SLCO5A1: variants seen among roughly 807,000 people sequenced by gnomAD.
The protein encoded by SLCO5A1 is organic anion transporter polypeptide-related protein 4.
Under a neutral mutation model 65.1 loss-of-function variants are expected in SLCO5A1, and 39 were observed. The ratio of observed to expected loss-of-function variants is 0.60; its 90% CI spans 0.46 to 0.78. The LOEUF (loss-of-function observed/expected upper bound fraction) is 0.78. Ranked by LOEUF, SLCO5A1 falls within the 30% of genes least tolerant of loss-of-function variation. SLCO5A1 has a pLI of 0.00. For synonymous variants in SLCO5A1, 438 were observed against 415.7 expected, an observed-to-expected ratio of 1.05 and a Z score of -0.65; for missense variants, 1,029 against 1,069.4, an observed-to-expected ratio of 0.96 and a Z score of 0.53.
intron 2 of SLCO5A1, among the ~76,000 whole-genome samples, chr8:69,824,838 A>C (rs1272732144): frequency 1.3e-5 from 2 of 152,248 alleles, no homozygotes; most frequent in Non-Finnish European, 2.9e-5. Context: ...AGAGAATTTT[A>C]CACCAATATC....
At position 69,802,976 on chromosome 8, in the gene SLCO5A1, GA is replaced by G. The variant is rs146522455; in HGVS notation, c.907+28790del. Reference sequence around the variant, plus strand: ...CAGCAGGAATGAGTAAATATTTGTTGAATGAATTAATTAATGAACCAATGAA... The same window carrying G: ...CAGCAGGAATGAGTAAATATTTGTTGATGAATTAATTAATGAACCAATGAA... On this transcript the variant is annotated intron_variant, in intron 2 of 9. Transcript: ENST00000260126. Among the ~76,000 whole-genome samples the G allele has an allele frequency of 1.9e-3, 283 of 152,232 alleles. 1 individual carries two copies. The highest frequency in any genetic ancestry group is 6.4e-3 in the African/African-American group (266 of 41,552).
intron 2 of SLCO5A1, among the ~76,000 whole-genome samples, chr8:69,797,070 G>T (rs150481192): frequency 4.1e-4 from 63 of 152,266 alleles, no homozygotes; most frequent in South Asian, 1.7e-3. Context: ...GGGAAGTAAG[G>T]GACCTCAAAT....
chr8:69,695,506 A>G (rs1031906663), intron 6 of SLCO5A1, among the ~76,000 whole-genome samples: 16 of 152,148 alleles, frequency 1.1e-4, no homozygotes, highest in African/African-American at 3.6e-4. Flanking sequence ...AAAAATAAAA[A>G]ATAAAAAAAA....
At chr8:69,800,172 G>A (rs1819671344) in intron 2 of SLCO5A1, among the ~76,000 whole-genome samples, 1 of 150,842 alleles carries the variant, frequency 6.6e-6, no homozygotes, top group Non-Finnish European at 1.5e-5. Context: ...TGGATGTAAA[G>A]GTGAACATTC....
intron 2 of SLCO5A1, among the ~76,000 whole-genome samples, chr8:69,764,162 C>T (rs1817945088): frequency 6.6e-6 from 1 of 152,222 alleles, no homozygotes; most frequent in African/African-American, 2.4e-5. Flanking sequence ...CACACCCAGC[C>T]AATAAACACT....
intron 3 of SLCO5A1, among the ~76,000 whole-genome samples, chr8:69,756,172 C>T (rs1391100811): frequency 5.3e-5 from 8 of 152,056 alleles, no homozygotes; most frequent in Non-Finnish European, 7.4e-5. Flanking sequence ...ACCTATAATC[C>T]CAGCACGTTG....
intron 2 of SLCO5A1, among the ~76,000 whole-genome samples, chr8:69,822,623 C>G (rs910012584): frequency 1.3e-5 from 2 of 152,172 alleles, no homozygotes. Flanking sequence ...TCTGCCCACA[C>G]CCTAGGATAA....
intron 2 of SLCO5A1, 62 bp from the exon 3 acceptor site, chr8:69,761,937 C>T (rs1817795965): frequency 1.3e-6 from 2 of 1,575,716 alleles, no homozygotes; most frequent in Non-Finnish European, 1.7e-6. Context: ...TAGGAGTTCT[C>T]TCATTTCACT....
rs559410642 is a variant in SLCO5A1 at position 69,739,871 on chromosome 8, C to G, written c.1259-1667G>C. 2.0e-5 allele frequency among the ~76,000 whole-genome samples: 3 copies of G among 152,114 alleles called. No individual in the cohort carries two copies. The South Asian group carries it at 6.2e-4, about 32-fold the overall frequency. ...TTTAGAACTTAGAAAGTTAAGATTACCTATCAACATTTAAAGATTCAAATT... is the reference window on the plus strand; with the variant it reads ...TTTAGAACTTAGAAAGTTAAGATTAGCTATCAACATTTAAAGATTCAAATT... On this transcript the variant is annotated intron_variant, in intron 4 of 9. Transcript: ENST00000260126.
intron 5 of SLCO5A1, among the ~76,000 whole-genome samples, chr8:69,715,511 A>G (rs2380583): frequency 0.3 from 45,743 of 152,066 alleles, 7,090 homozygotes; most frequent in South Asian, 0.38. Flanking sequence ...TTTTCCATCG[A>G]GACAGTTCAT....
Position 69,738,144 on chromosome 8 carries a change from G to A in SLCO5A1, c.1319C>T (p.Ser440Leu), listed in dbSNP as rs771192320. The change falls in exon 5 of 10, where the codon TCA becomes TTA. Residue 440 changes from serine (S) to leucine (L), a missense_variant. Coordinates refer to ENST00000260126, the MANE Select transcript of SLCO5A1 (RefSeq NM_030958.3). Reference protein sequence around the residue: ...SNMTFLFVSLSYTAESAIVTA... With the variant: ...SNMTFLFVSLLYTAESAIVTA... ...TACAATGGCACTCTCAGCTGTGTAT[G>A]ACAAACTCACAAAAAGGAATGTCAT... 1.2e-6 allele frequency: 2 copies of A among 1,613,764 alleles called. No homozygotes were observed. The highest frequency in any genetic ancestry group is 1.7e-6 in the Non-Finnish European group (2 of 1,179,798).
chr8:69,732,806 T>C (rs1269600855), intron 5 of SLCO5A1, among the ~76,000 whole-genome samples: 2 of 151,998 alleles, frequency 1.3e-5, no homozygotes, highest in East Asian at 3.9e-4. Flanking sequence ...GGAGAATCAC[T>C]TGAACCCAAG....
intron 6 of SLCO5A1, among the ~76,000 whole-genome samples, chr8:69,682,561 C>CT (rs985762987): frequency 6.6e-6 from 1 of 152,126 alleles, no homozygotes; most frequent in African/African-American, 2.4e-5. Flanking sequence ...AGATTCAATG[C>CT]TTTTTATCAA....
intron 5 of SLCO5A1, among the ~76,000 whole-genome samples, chr8:69,722,945 A>G (rs1815896640): frequency 6.6e-6 from 1 of 152,202 alleles, no homozygotes; most frequent in Non-Finnish European, 1.5e-5. Flanking sequence ...ATTTAGCCAC[A>G]ATATATGAGA....
chr8:69,817,815 G>A (rs1219515125), intron 2 of SLCO5A1, among the ~76,000 whole-genome samples: 4 of 152,148 alleles, frequency 2.6e-5, no homozygotes, highest in African/African-American at 9.7e-5. Flanking sequence ...ACATTTGTCT[G>A]TCACCAAACT....
intron 9 of SLCO5A1, among the ~76,000 whole-genome samples, chr8:69,674,775 C>A (rs1196573052): frequency 6.6e-6 from 1 of 151,436 alleles, no homozygotes; most frequent in African/African-American, 2.4e-5. Flanking sequence ...AATCCCAGAA[C>A]TTTGGGAGGC....
chr8:69,681,392 G>A (rs748022234), intron 7 of SLCO5A1, among the ~76,000 whole-genome samples: 30 of 152,098 alleles, frequency 2.0e-4, no homozygotes, highest in Non-Finnish European at 3.8e-4. Flanking sequence ...TCGGGAGTTC[G>A]AAACCAGCCT....
intron 5 of SLCO5A1, among the ~76,000 whole-genome samples, chr8:69,724,635 A>C (rs1296824001): frequency 2.6e-5 from 4 of 152,204 alleles, no homozygotes; most frequent in Non-Finnish European, 5.9e-5. Context: ...AAAGGACATT[A>C]CTTCCACTTC....
In SLCO5A1 at chr8:69,758,138, A is replaced by G. The variant is rs142393078; in HGVS notation, c.1041-2497T>C. 6.6e-5 allele frequency among the ~76,000 whole-genome samples: 10 copies of G among 152,304 alleles called. No homozygotes were observed. The East Asian group carries it at 1.9e-3, about 29-fold the overall frequency. ...TCCCCAAATTAACAATCAGTTCATG[A>G]TAGCTAGTTTTGTGTGTCTGGTTTG... On this transcript the variant is annotated intron_variant, in intron 3 of 9. Transcript: ENST00000260126.
Sources: gnomAD v4.1 joint callset for allele counts (sites outside exome capture counted in the v4.1 genomes callset) on GRCh38, gnomAD v4.1.1 for gene constraint, MANE v1.5 for transcripts, NCBI Gene and HGNC (gene_info 2026-07-23, HGNC 2026-07-21) for gene names.